The following HDAC10 variants were observed in gnomAD, a reference collection of about 807,000 sequenced individuals.
HDAC10 encodes the protein polyamine deacetylase HDAC10.
A neutral mutation model predicts 82.3 loss-of-function variants in HDAC10; 90 were observed. The observed-to-expected ratio is 1.09, with a 90% CI of 0.92 to 1.30. HDAC10 has a LOEUF of 1.30. Ranked by LOEUF, HDAC10 falls within the 50% of genes most tolerant of loss-of-function variation. HDAC10 has a pLI of 0.00. For missense variants in HDAC10, 934 were observed against 876.3 expected (o/e 1.07, Z -0.83); for synonymous variants, 456 against 391.7 (o/e 1.16, Z -1.94).
chr22:50,249,851 G>T lies in HDAC10; in HGVS notation c.494+9C>A, dbSNP rs763824932. 62 of 1,610,860 alleles carry T rather than the reference G, an allele frequency of 3.8e-5. No individual in the cohort carries two copies. The highest frequency in any genetic ancestry group is 5.0e-5 in the Non-Finnish European group (59 of 1,178,512). Reference sequence around the variant, plus strand: ...GGGCCCACCCCCCTGCAGCCAGCCTGGCACACACCTGTGTAGCCCGTGTTT... The same window carrying T: ...GGGCCCACCCCCCTGCAGCCAGCCTTGCACACACCTGTGTAGCCCGTGTTT... On this transcript the variant is annotated intron_variant, in intron 5 of 19. Coordinates refer to ENST00000216271, the MANE Select transcript of HDAC10 (RefSeq NM_032019.6). This position sits in a 1 kb window ranked among gnomAD's most constrained non-coding sequence, Gnocchi z 4.4.
chr22:50,248,615 C>G lies in HDAC10; in HGVS notation c.906+47G>C, dbSNP rs776114116. 2.0e-6 allele frequency: 3 copies of G among 1,476,524 alleles called. No individual in the cohort carries two copies. The highest frequency in any genetic ancestry group is 1.8e-6 in the Non-Finnish European group (2 of 1,110,092). 91.5% of individuals were successfully genotyped at this position (1,476,524 alleles called of 1,614,324 possible). A position where few individuals can be genotyped will look rare whatever the true frequency, so the allele number is the denominator to read the frequency against. On this transcript the variant is annotated intron_variant, in intron 10 of 19. Transcript: ENST00000216271. This position sits in a 1 kb window ranked among gnomAD's most constrained non-coding sequence, Gnocchi z 5.4. ...CACCTGGCTCCCATGCTCCTGACCCCCAGGCCTCTGGCCCAGAGACCCTCC... is the reference window on the plus strand; with the variant it reads ...CACCTGGCTCCCATGCTCCTGACCCGCAGGCCTCTGGCCCAGAGACCCTCC...
chr22:50,248,580 AC>A lies in HDAC10; in HGVS notation c.906+81del. On this transcript the variant is annotated intron_variant, in intron 10 of 19. Coordinates refer to ENST00000216271, the MANE Select transcript of HDAC10 (RefSeq NM_032019.6). This position sits in a 1 kb window ranked among gnomAD's most constrained non-coding sequence, Gnocchi z 5.4. Reference sequence around the variant, plus strand: ...CCCGGGCAGGACGCCCCTCCCAAATACCCCGTGGGCACCTGGCTCCCATGCT... The same window carrying A: ...CCCGGGCAGGACGCCCCTCCCAAATACCCGTGGGCACCTGGCTCCCATGCT... The A allele has an allele frequency of 2.0e-6, 3 of 1,468,998 alleles. No individual in the cohort carries two copies. The highest frequency in any genetic ancestry group is 1.8e-6 in the Non-Finnish European group (2 of 1,100,352). 91.0% of individuals were successfully genotyped at this position (1,468,998 alleles called of 1,614,324 possible).
rs1458055959 is a variant in HDAC10, at chr22:50,250,868, C to A, written c.97G>T (p.Ala33Ser). 2 of 1,601,476 alleles carry A rather than the reference C, an allele frequency of 1.2e-6. No individual in the cohort carries two copies. The highest frequency in any genetic ancestry group is 2.3e-5 in the East Asian group (1 of 44,106). Residue 33 changes from alanine to serine, a missense_variant, in exon 2 of 20, where the codon GCA (alanine) becomes TCA (serine). Coordinates refer to ENST00000216271, the MANE Select transcript of HDAC10 (RefSeq NM_032019.6). ...CGCTGCCGCAGGCGATCCAGGGCTG[C>A]GGTCAGGCGCTCAGGACGCTCGATC... ...CEIERPERLT[A>S]ALDRLRQRGL... is the part of the protein sequence containing the mutation.
At position 50,249,795 on chromosome 22, in the gene HDAC10, G is replaced by T; in HGVS notation, c.494+65C>A. ...GGGAAGGTGCTGGCTGGGTTCTCTC[G>T]CCTCCTGCGCTGCCCCTTGCTGTGT... On this transcript the variant is annotated intron_variant, in intron 5 of 19. Coordinates refer to ENST00000216271, the MANE Select transcript of HDAC10 (RefSeq NM_032019.6). This position sits in a 1 kb window ranked among gnomAD's most constrained non-coding sequence, Gnocchi z 4.4. 1.3e-6 allele frequency: 2 copies of T among 1,599,536 alleles called. No homozygotes were observed. The highest frequency in any genetic ancestry group is 1.7e-6 in the Non-Finnish European group (2 of 1,170,372).
chr22:50,248,052 G>A lies in HDAC10; in HGVS notation c.1175C>T (p.Ala392Val), dbSNP rs2064998185. The A allele has an allele frequency of 1.9e-6, 3 of 1,610,722 alleles. No individual in the cohort carries two copies. Among genetic ancestry groups the A allele is most frequent in the Non-Finnish European group, 2.5e-6 (3 of 1,178,804 alleles). The change falls in exon 13 of 20, where the codon GCA becomes GTA. Residue 392 changes from alanine to valine, a missense_variant. Transcript: ENST00000216271. This position sits in a 1 kb window ranked among gnomAD's most constrained non-coding sequence, Gnocchi z 5.4. ...GTCCAGGAGGGAGCTCGGTGCAGAT[G>A]CAGCTGCCTTACACACTGGACCCCC... ...LPGGPVCKAA[A>V]SAPSSLLDQP... is the part of the protein sequence containing the mutation.
At position 50,249,176 on chromosome 22, in the gene HDAC10, G is replaced by T; in HGVS notation, c.691-8C>A. On this transcript the variant is annotated splice_polypyrimidine_tract_variant and splice_region_variant and intron_variant, in intron 7 of 19. Coordinates refer to ENST00000216271, the MANE Select transcript of HDAC10 (RefSeq NM_032019.6). This position sits in a 1 kb window ranked among gnomAD's most constrained non-coding sequence, Gnocchi z 4.4. The stretch of plus-strand genomic sequence containing the variant: ...AGCGTTTCCCATCCCAACCTGGCAG[G>T]ACATCCCAGGCTACATCCTGAACTG... The T allele has an allele frequency of 6.5e-7, 1 of 1,535,966 alleles. No individual in the cohort carries two copies. The highest frequency in any genetic ancestry group is 1.2e-5 in the South Asian group (1 of 86,650).
chr22:50,246,421 C>T lies in HDAC10; in HGVS notation c.1572-45G>A, dbSNP rs371304556. On this transcript the variant is annotated intron_variant, in intron 16 of 19. Coordinates refer to ENST00000216271, the MANE Select transcript of HDAC10 (RefSeq NM_032019.6). ...TAAGTGTAAGGCCCTGCTCACCCTC[C>T]TGAGCCCAAACCGCAGAGGCAGAGG... 51 of 1,518,388 alleles carry T rather than the reference C, an allele frequency of 3.4e-5. No individual in the cohort carries two copies. In the South Asian group the frequency reaches 4.6e-4, roughly 14 times the overall value. 94.1% of individuals were successfully genotyped at this position (1,518,388 alleles called of 1,614,324 possible).
chr22:50,248,721 C>A lies in HDAC10; in HGVS notation c.847G>T (p.Ala283Ser). The change falls in exon 10 of 20, where the codon GCC becomes TCC. Residue 283 changes from alanine (A) to serine (S), a missense_variant. Coordinates refer to ENST00000216271, the MANE Select transcript of HDAC10 (RefSeq NM_032019.6). This position sits in a 1 kb window ranked among gnomAD's most constrained non-coding sequence, Gnocchi z 5.4. ...GQMQATPECF[A>S]HLTQLLQVLA... is the part of the protein sequence containing the mutation. ...ACCTGCAGCAGCTGTGTGAGGTGGG[C>A]GAAGCACTCTGGCGTGGCCTGCATT... 2.6e-6 allele frequency: 4 copies of A among 1,566,620 alleles called. No individual in the cohort carries two copies. Among genetic ancestry groups the A allele is most frequent in the Non-Finnish European group, 3.5e-6 (4 of 1,155,178 alleles).
At position 50,245,808 on chromosome 22, in the gene HDAC10, G is replaced by A; in HGVS notation, c.1853C>T (p.Ala618Val). Reference sequence around the variant, plus strand: ...ATTCAGCACCCGGGCCAGGATCCCTGCTAGCTGGGGTGTGGAGTTCTGGAC... The same window carrying A: ...ATTCAGCACCCGGGCCAGGATCCCTACTAGCTGGGGTGTGGAGTTCTGGAC... ...LLEENSTPQL[A>V]GILARVLNGE... Residue 618 changes from alanine to valine, a missense_variant, in exon 19 of 20, where the codon GCA becomes GTA. Physicochemically the swap from Ala to Val is moderately conservative, Grantham distance 64. Transcript: ENST00000216271. 6.3e-7 allele frequency: 1 copy of A among 1,579,028 alleles called. No homozygotes were observed. The highest frequency in any genetic ancestry group is 8.6e-7 in the Non-Finnish European group (1 of 1,162,532).
rs370766971 is a variant in HDAC10, at chr22:50,250,003, G to A, written c.390-39C>T. 2.5e-4 allele frequency: 407 copies of A among 1,607,222 alleles called. 1 individual carries two copies. The highest frequency in any genetic ancestry group is 1.7e-4 in the Admixed American group (10 of 59,960). ...GTAGGATTTGGGTCACGTCAGGGTC[G>A]CCCTGGCCCCTCACAGGGCCACCCA... is the stretch of plus-strand genomic sequence containing the variant. On this transcript the variant is annotated intron_variant, in intron 4 of 19. Transcript: ENST00000216271.
chr22:50,247,236 T>G (rs1265046566), intron 14 of HDAC10: 4 of 385,386 alleles, frequency 1.0e-5, no homozygotes, highest in African/African-American at 2.1e-5. Context: ...ACTCCTGGGC[T>G]TAAGCGATCG....
Position 50,246,880 on chromosome 22 carries a change from G to C in HDAC10, c.1509C>G (p.Ala503=), listed in dbSNP as rs753380057. The change falls in exon 15 of 20, where the codon GCC becomes GCG. Residue 503 remains alanine (A), a synonymous_variant. Transcript: ENST00000216271. The part of the protein sequence containing the change: ...VAVRRGLSHG[A]QRLLCVALGQ... The stretch of plus-strand genomic sequence containing the variant: ...GATGGCCAAGTGAGGCTTACCTCTG[G>C]GCTCCGTGGGACAGGCCTCTCCGAA... 6.2e-7 allele frequency: 1 copy of C among 1,611,686 alleles called. No individual in the cohort carries two copies. The highest frequency in any genetic ancestry group is 1.1e-5 in the South Asian group (1 of 90,942).
Position 50,249,770 on chromosome 22 carries a change from G to A in HDAC10, c.495-67C>T. 3 of 1,606,878 alleles carry A rather than the reference G, an allele frequency of 1.9e-6. No homozygotes were observed. Among genetic ancestry groups the A allele is most frequent in the Non-Finnish European group, 2.6e-6 (3 of 1,175,822 alleles). ...CACCTCCAGGAGCCCGGCCAGGGAT[G>A]GGAAGGTGCTGGCTGGGTTCTCTCG... On this transcript the variant is annotated intron_variant, in intron 5 of 19. Coordinates refer to ENST00000216271, the MANE Select transcript of HDAC10 (RefSeq NM_032019.6). The surrounding 1 kb of genome is among the most constrained non-coding windows in gnomAD (Gnocchi z 4.4).
chr22:50,247,971 G>A lies in HDAC10; in HGVS notation c.1256C>T (p.Pro419Leu), dbSNP rs200930805. 26 of 1,612,850 alleles carry A rather than the reference G, an allele frequency of 1.6e-5. No homozygotes were observed. The East Asian group carries it at 2.7e-4, about 17-fold the overall frequency. ...AGGGGGCAGAACCAATGTGATATCC[G>A]GCGTTGTCAGGGCAACAGCGGTGCG... Reference protein sequence around the residue: ...SVRTAVALTTPDITLVLPPDV... With the variant: ...SVRTAVALTTLDITLVLPPDV... The change falls in exon 13 of 20, where the codon CCG (proline) becomes CTG (leucine). Residue 419 changes from proline to leucine, a missense_variant. By Grantham distance (98) the Pro-to-Leu change is moderately conservative. Transcript: ENST00000216271.
Position 50,249,708 on chromosome 22 carries a change from G to A in HDAC10, c.495-5C>T, listed in dbSNP as rs1451592105. On this transcript the variant is annotated splice_region_variant and splice_polypyrimidine_tract_variant and intron_variant, in intron 5 of 19. Transcript: ENST00000216271. This position sits in a 1 kb window ranked among gnomAD's most constrained non-coding sequence, Gnocchi z 4.4. ...TCCCAGTCCACGACGAGGATCCTGG[G>A]TACAGACAGCGCTGGTGGCAAAGGG... is the stretch of plus-strand genomic sequence containing the variant. The A allele has an allele frequency of 1.9e-6, 3 of 1,612,672 alleles. No individual in the cohort carries two copies. The highest frequency in any genetic ancestry group is 1.7e-4 in the Middle Eastern group (1 of 6,044).
Position 50,249,830 on chromosome 22 carries a change from C to T in HDAC10, c.494+30G>A, listed in dbSNP as rs199810522. ...CTGCCCCTTGCTGTGTGGCCTGGGC[C>T]CACCCCCCTGCAGCCAGCCTGGCAC... On this transcript the variant is annotated intron_variant, in intron 5 of 19. Coordinates refer to ENST00000216271, the MANE Select transcript of HDAC10 (RefSeq NM_032019.6). The surrounding 1 kb of genome is among the most constrained non-coding windows in gnomAD (Gnocchi z 4.4). The T allele has an allele frequency of 1.2e-6, 2 of 1,606,080 alleles. No individual in the cohort carries two copies. Among genetic ancestry groups the T allele is most frequent in the East Asian group, 4.5e-5 (2 of 44,786 alleles).
At chr22:50,247,802 CACAG>C in intron 13 of HDAC10, 26 bp from the exon 14 acceptor site, 2 of 1,612,812 alleles carry the variant, frequency 1.2e-6, no homozygotes, top group Non-Finnish European at 8.5e-7. Flanking sequence ...CAGAGGGACA[CACAG>C]ACACGGAGTG....
Position 50,245,320 on chromosome 22 carries a change from CGAGGT to C in HDAC10, c.*182_*186del, listed in dbSNP as rs2064912610. On this transcript the variant is annotated 3_prime_UTR_variant, in exon 20 of 20. Transcript: ENST00000216271. ...CGGGGCGCGATGGGTGGGGCGGGGG[CGAGGT>C]GAGGTGAGGGGTGGAGCGGGGGAAG... The C allele has an allele frequency of 1.3e-5, 7 of 526,046 alleles. No homozygotes were observed. Among genetic ancestry groups the C allele is most frequent in the African/African-American group, 3.8e-5 (1 of 26,538 alleles). 32.6% of individuals were successfully genotyped at this position (526,046 alleles called of 1,614,324 possible).
chr22:50,246,314 G>C lies in HDAC10; in HGVS notation c.1634C>G (p.Ser545Cys), dbSNP rs777318498. Residue 545 changes from serine to cysteine, a missense_variant, in exon 17 of 20, where the codon TCC (serine) becomes TGC (cysteine). Physicochemically the swap from Ser to Cys is moderately radical, Grantham distance 112. Transcript: ENST00000216271. ...GTCACTCACCACTGGCAGTGGCGTG[G>C]AGACATGGAACATGGATAGGGCAGC... ...EAAALSMFHVSTPLPVMTGGF... is the reference protein window; with the variant it reads ...EAAALSMFHVCTPLPVMTGGF... 3 of 1,613,082 alleles carry C rather than the reference G, an allele frequency of 1.9e-6. No homozygotes were observed. Among genetic ancestry groups the C allele is most frequent in the East Asian group, 2.2e-5 (1 of 44,890 alleles).
Sources: gnomAD v4.1 joint callset for allele counts on GRCh38, gnomAD v4.1.1 for gene constraint, Gnocchi (gnomAD v3.1) non-coding constraint, MANE v1.5 for transcripts, NCBI Gene and HGNC (gene_info 2026-07-23, HGNC 2026-07-21) for gene names.